The following PCDHA3 variants were observed in gnomAD, a reference collection of about 807,000 sequenced individuals.
PCDHA3 encodes protocadherin alpha 3.
A neutral mutation model predicts 62.2 loss-of-function variants in PCDHA3; 41 were observed. The ratio of observed to expected loss-of-function variants is 0.66; its 90% CI spans 0.51 to 0.86. The LOEUF (loss-of-function observed/expected upper bound fraction) is 0.86. Ranked by LOEUF, PCDHA3 falls within the 40% of genes least tolerant of loss-of-function variation. The probability of loss-of-function intolerance (pLI) is 0.00; values close to 1 mark genes in which losing one functional copy is unlikely to be tolerated. For synonymous variants in PCDHA3, 640 were observed against 555.4 expected (o/e 1.15, Z -2.14); for missense variants, 1,304 against 1,241.2 (o/e 1.05, Z -0.76).
At chr5:140,863,181 C>T (rs782813569) in intron 1 of PCDHA3, 5 of 753,966 alleles carry the variant, frequency 6.6e-6, no homozygotes, top group Non-Finnish European at 1.1e-5. Flanking sequence ...CTGCCACCGT[C>T]ACCGTGGTGG....
At chr5:140,877,471 G>T (rs2057146762) in intron 1 of PCDHA3, 1 of 1,613,828 alleles carries the variant, frequency 6.2e-7, no homozygotes, top group South Asian at 1.1e-5. Flanking sequence ...CACGGTGCTG[G>T]TGTCGCTGGT....
At chr5:140,823,913 C>T (rs2150130280) in intron 1 of PCDHA3, 36 of 1,613,888 alleles carry the variant, frequency 2.2e-5, no homozygotes, top group Non-Finnish European at 2.8e-5. Context: ...CTGGTGCTCA[C>T]GCTGCTGCTG....
intron 1 of PCDHA3, among the ~76,000 whole-genome samples, chr5:140,818,625 C>T (rs1282616464): frequency 6.6e-6 from 1 of 152,102 alleles, no homozygotes; most frequent in Non-Finnish European, 1.5e-5. Flanking sequence ...TTGCTTGAGC[C>T]CAGGAGTTCA....
At position 140,801,237 on chromosome 5, in the gene PCDHA3, C is replaced by T; in HGVS notation, c.40C>T (p.Leu14=). The part of the protein sequence containing the change: ...SWREDPGAQC[L]LLSLLLLAAS... ...GCGAGAAGATCCTGGAGCCCAGTGC[C>T]TGCTGCTTTCTCTTCTGCTCCTCGC... Residue 14 remains leucine, a synonymous_variant, in exon 1 of 4, where the codon CTG becomes TTG. Transcript: ENST00000522353. 1 of 1,613,110 alleles carries T rather than the reference C, an allele frequency of 6.2e-7. No individual in the cohort carries two copies. The highest frequency in any genetic ancestry group is 8.5e-7 in the Non-Finnish European group (1 of 1,179,322).
intron 3 of PCDHA3, among the ~76,000 whole-genome samples, chr5:141,001,278 C>A (rs182360019): frequency 6.6e-6 from 1 of 152,050 alleles, no homozygotes; most frequent in Non-Finnish European, 1.5e-5. Flanking sequence ...ACTTTTTTTA[C>A]GGATGAAAAC....
rs1554205708 is a variant in PCDHA3 at position 140,928,289 on chromosome 5, G to A, written c.2395-50660G>A. 3.1e-6 allele frequency: 5 copies of A among 1,614,170 alleles called. No individual in the cohort carries two copies. In the East Asian group the frequency reaches 6.7e-5, roughly 22 times the overall value. ...AATGGCCCTGGGGCCTCTCTAGGCC[G>A]AGTGTTTGCCCAGGACCCCGACCTG... is the stretch of plus-strand genomic sequence containing the variant. On this transcript the variant is annotated intron_variant, in intron 1 of 3. Coordinates refer to ENST00000522353, the MANE Select transcript of PCDHA3 (RefSeq NM_018906.3).
rs1024369617 is a variant in PCDHA3 at position 140,837,461 on chromosome 5, C to G, written c.2394+33870C>G. On this transcript the variant is annotated intron_variant, in intron 1 of 3. Transcript: ENST00000522353. ...TAGTACGTAGTAAAAAATCTCCTTG[C>G]CTCCTCAAACCCCAAACCATTTACT... 4.6e-5 allele frequency among the ~76,000 whole-genome samples: 7 copies of G among 151,760 alleles called. 1 individual carries two copies. The highest frequency in any genetic ancestry group is 1.0e-4 in the Non-Finnish European group (7 of 67,946).
chr5:140,926,944 G>A, intron 1 of PCDHA3: 1 of 1,588,324 alleles, frequency 6.3e-7, no homozygotes, highest in Non-Finnish European at 8.6e-7. Flanking sequence ...CTGCGGCGCT[G>A]CAGCGGGACA....
chr5:140,884,459 G>T (rs530412188), intron 1 of PCDHA3: 2 of 1,613,754 alleles, frequency 1.2e-6, no homozygotes, highest in South Asian at 2.2e-5. Flanking sequence ...CACCGAGGGC[G>T]CGTGCGCGCC....
chr5:140,839,744 G>A (rs935121043), intron 1 of PCDHA3, among the ~76,000 whole-genome samples: 1 of 151,944 alleles, frequency 6.6e-6, no homozygotes, highest in African/African-American at 2.4e-5. Flanking sequence ...ACCCTTATTT[G>A]CCTTTCCTAT....
chr5:140,808,405 G>A (rs371283858), intron 1 of PCDHA3: 35 of 1,614,162 alleles, frequency 2.2e-5, no homozygotes, highest in Non-Finnish European at 2.9e-5. Context: ...ATTACTACTC[G>A]TTGGTGCTGG....
rs782677776 is a variant in PCDHA3, at chr5:140,803,142, G to A, written c.1945G>A (p.Val649Met). ...EVDAPRHRLLVLVKDHGEPSL... is the reference protein window; with the variant it reads ...EVDAPRHRLLMLVKDHGEPSL... ...GGACGCCCCGCGCCATCGCCTACTG[G>A]TGCTGGTGAAGGACCACGGTGAACC... Residue 649 changes from valine to methionine, a missense_variant, in exon 1 of 4, where the codon GTG becomes ATG. Val to Met is a conservative substitution (Grantham distance 21, BLOSUM62 1). Coordinates refer to ENST00000522353, the MANE Select transcript of PCDHA3 (RefSeq NM_018906.3). The A allele has an allele frequency of 1.2e-5, 20 of 1,613,762 alleles. No individual in the cohort carries two copies. The Middle Eastern group carries it at 8.2e-4, about 66-fold the overall frequency.
rs1263615997 is a variant in PCDHA3 at position 140,926,760 on chromosome 5, A to ATAC, written c.2395-52188_2395-52187insACT. ...GGCGCAACGTCGGCGGTCGCTGAGT[A>ATAC]TCCAGCCCGCAGCAGTGACGGCCGG... On this transcript the variant is annotated intron_variant, in intron 1 of 3. Transcript: ENST00000522353. The ATAC allele has an allele frequency of 6.1e-6, 8 of 1,312,248 alleles. No homozygotes were observed. The African/African-American group carries it at 1.2e-4, about 20-fold the overall frequency. The allele number at this position is 1,312,248 out of a possible 1,614,324, so 81.3% of individuals were successfully genotyped here.
intron 2 of PCDHA3, among the ~76,000 whole-genome samples, chr5:140,981,165 T>C (rs1411910974): frequency 6.6e-6 from 1 of 152,250 alleles, no homozygotes; most frequent in Non-Finnish European, 1.5e-5. Flanking sequence ...ATATGTTGCC[T>C]TCCCTCTAAT....
rs782569898 is a variant in PCDHA3 at position 140,809,024 on chromosome 5, C to T, written c.2394+5433C>T. The T allele has an allele frequency of 3.1e-6, 5 of 1,613,696 alleles. No individual in the cohort carries two copies. In the East Asian group the frequency reaches 1.1e-4, roughly 36 times the overall value. On this transcript the variant is annotated intron_variant, in intron 1 of 3. Transcript: ENST00000522353. ...CGCGTGGCTTTCGTACGAGCTGCAG[C>T]CGGGGACTGGTGGCGCGCGCATCCC...
At chr5:140,977,634 T>A (rs187884163) in intron 1 of PCDHA3, among the ~76,000 whole-genome samples, 83 of 152,298 alleles carry the variant, frequency 5.4e-4, no homozygotes, top group African/African-American at 1.9e-3. Context: ...TTGTAACTTT[T>A]TCTGGGCCTT....
rs2150227697 is a variant in PCDHA3 at position 140,834,836 on chromosome 5, G to C, written c.2394+31245G>C. The C allele has an allele frequency of 8.1e-6, 13 of 1,611,678 alleles. No individual in the cohort carries two copies. In the African/African-American group the frequency reaches 9.4e-5, roughly 12 times the overall value. Reference sequence around the variant, plus strand: ...CGGAATCCAGGCCGCTTGACTCTCGGTTTCCACTAGAGGGCGCGTCCGATG... The same window carrying C: ...CGGAATCCAGGCCGCTTGACTCTCGCTTTCCACTAGAGGGCGCGTCCGATG... On this transcript the variant is annotated intron_variant, in intron 1 of 3. Coordinates refer to ENST00000522353, the MANE Select transcript of PCDHA3 (RefSeq NM_018906.3).
chr5:140,994,568 G>T (rs1240135648), intron 3 of PCDHA3, among the ~76,000 whole-genome samples: 1 of 151,992 alleles, frequency 6.6e-6, no homozygotes, highest in Non-Finnish European at 1.5e-5. Context: ...AGCCGGGTGT[G>T]GTGGCATGCA....
chr5:140,967,278 G>T, intron 1 of PCDHA3: 1 of 1,613,408 alleles, frequency 6.2e-7, no homozygotes, highest in Non-Finnish European at 8.5e-7. Context: ...CACATAGAGA[G>T]TGCGCAGGAC....
Sources: gnomAD v4.1 joint callset for allele counts (sites outside exome capture counted in the v4.1 genomes callset) on GRCh38, gnomAD v4.1.1 for gene constraint, MANE v1.5 for transcripts, NCBI Gene and HGNC (gene_info 2026-07-23, HGNC 2026-07-21) for gene names.